CDH13: variants seen among roughly 807,000 people sequenced by gnomAD.
CDH13 encodes cadherin 13.
Under a neutral mutation model 63.8 loss-of-function variants are expected in CDH13, and 24 were observed. The observed-to-expected ratio is 0.38, with a 90% CI of 0.27 to 0.53. CDH13 has a LOEUF of 0.53. Ranked by LOEUF, CDH13 falls within the 20% of genes least tolerant of loss-of-function variation. CDH13 has a pLI of 0.85. For synonymous variants in CDH13, 503 were observed against 355.3 expected (o/e 1.42, Z -4.67); for missense variants, 1,049 against 903.1 (o/e 1.16, Z -2.07).
chr16:83,391,798 A>G (rs756846742), intron 6 of CDH13, among the ~76,000 whole-genome samples: 2 of 152,208 alleles, frequency 1.3e-5, no homozygotes, highest in East Asian at 1.9e-4. Context: ...CAAACAAAAA[A>G]CAAGATCACC....
intron 6 of CDH13, among the ~76,000 whole-genome samples, chr16:83,438,630 A>G (rs11861460): frequency 0.013 from 2,026 of 152,352 alleles, 45 homozygotes; most frequent in African/African-American, 0.046. Flanking sequence ...AATACAAAAT[A>G]CCAAGAGCTA....
At chr16:83,245,757 T>C (rs2151819467) in intron 5 of CDH13, among the ~76,000 whole-genome samples, 1 of 152,304 alleles carries the variant, frequency 6.6e-6, no homozygotes. Context: ...TTTATTTTTT[T>C]CCTGAGGCAG....
chr16:83,323,998 C>A (rs1019570), intron 5 of CDH13, among the ~76,000 whole-genome samples: 85,818 of 151,038 alleles, frequency 0.57, 24,463 homozygotes, highest in Middle Eastern at 0.64. Context: ...TTAGTATATT[C>A]CCAGTCATGC....
chr16:83,018,380 G>A (rs564671393), intron 2 of CDH13, among the ~76,000 whole-genome samples: 1 of 152,206 alleles, frequency 6.6e-6, no homozygotes, highest in East Asian at 1.9e-4. Flanking sequence ...TACATTGTAA[G>A]TGAAAAAATG....
At chr16:82,882,624 C>T (rs1034987332) in intron 2 of CDH13, among the ~76,000 whole-genome samples, 5 of 152,008 alleles carry the variant, frequency 3.3e-5, no homozygotes, top group African/African-American at 1.2e-4. Flanking sequence ...TTCCTTCCTT[C>T]CCTCCCTTCC....
chr16:83,698,886 C>A (rs1001864531), intron 10 of CDH13, among the ~76,000 whole-genome samples: 1 of 152,262 alleles, frequency 6.6e-6, no homozygotes, highest in Non-Finnish European at 1.5e-5. Context: ...TGTGAATAGG[C>A]ATGGCTGTGT....
At chr16:82,832,463 C>G (rs2038585818) in intron 1 of CDH13, among the ~76,000 whole-genome samples, 1 of 152,022 alleles carries the variant, frequency 6.6e-6, no homozygotes, top group Non-Finnish European at 1.5e-5. Context: ...CCTTCTCATC[C>G]TCCTTATTGT....
intron 3 of CDH13, among the ~76,000 whole-genome samples, chr16:83,079,310 C>G (rs1194185654): frequency 6.6e-6 from 1 of 152,148 alleles, no homozygotes. Flanking sequence ...ACCTTGCCTT[C>G]TATGGATGGT....
intron 5 of CDH13, among the ~76,000 whole-genome samples, chr16:83,333,238 C>A (rs2090515560): frequency 6.6e-6 from 1 of 151,962 alleles, no homozygotes; most frequent in East Asian, 1.9e-4. Flanking sequence ...GCTTGAAATG[C>A]AAGTTGTTGG....
At chr16:82,887,701 G>C (rs565339537) in intron 2 of CDH13, among the ~76,000 whole-genome samples, 3 of 152,092 alleles carry the variant, frequency 2.0e-5, no homozygotes, top group African/African-American at 4.8e-5. Flanking sequence ...CACACCTGTA[G>C]TCCCAGCTAC....
chr16:82,649,104 C>T (rs1338812894), intron 1 of CDH13, among the ~76,000 whole-genome samples: 2 of 152,192 alleles, frequency 1.3e-5, no homozygotes, highest in Non-Finnish European at 2.9e-5. Flanking sequence ...TGAGCGCGCA[C>T]CGGCTTTCTT....
At chr16:82,803,775 A>C (rs1051932427) in intron 1 of CDH13, among the ~76,000 whole-genome samples, 2 of 136,452 alleles carry the variant, frequency 1.5e-5, no homozygotes, top group Non-Finnish European at 3.0e-5. Flanking sequence ...TAAAATAGTC[A>C]GACTAATAGA....
intron 3 of CDH13, among the ~76,000 whole-genome samples, chr16:83,061,985 A>C (rs1191746884): frequency 2.0e-5 from 3 of 152,208 alleles, no homozygotes; most frequent in Non-Finnish European, 4.4e-5. Flanking sequence ...TGAGCTGGGC[A>C]GGGTGACAAT....
chr16:83,674,003 T>C (rs1032410606), intron 9 of CDH13, among the ~76,000 whole-genome samples: 7 of 152,118 alleles, frequency 4.6e-5, no homozygotes, highest in African/African-American at 1.7e-4. Context: ...CCCAGGTCAG[T>C]AGGAAGGGCC....
intron 2 of CDH13, among the ~76,000 whole-genome samples, chr16:82,946,767 C>G (rs1904768184): frequency 6.6e-6 from 1 of 151,870 alleles, no homozygotes; most frequent in Non-Finnish European, 1.5e-5. Context: ...AAAACAAAAT[C>G]TCAAGGCAAC....
chr16:83,489,837 A>G (rs183623053), intron 7 of CDH13, among the ~76,000 whole-genome samples: 92 of 152,346 alleles, frequency 6.0e-4, no homozygotes, highest in African/African-American at 2.2e-3. Flanking sequence ...CATTCATTTA[A>G]GAAAGTATCC....
intron 7 of CDH13, among the ~76,000 whole-genome samples, chr16:83,545,402 C>T (rs192564423): frequency 3.2e-4 from 48 of 152,336 alleles, no homozygotes; most frequent in African/African-American, 9.1e-4. Context: ...TAACCAGCTT[C>T]ATTCTATTGG....
At chr16:83,145,023 G>A (rs772396456) in intron 4 of CDH13, among the ~76,000 whole-genome samples, 46 of 151,986 alleles carry the variant, frequency 3.0e-4, no homozygotes, top group Admixed American at 6.6e-4. Flanking sequence ...TGGAGACGCC[G>A]TGGCTATGTT....
At chr16:83,121,597 C>T (rs533199103) in intron 3 of CDH13, among the ~76,000 whole-genome samples, 1 of 152,170 alleles carries the variant, frequency 6.6e-6, no homozygotes, top group African/African-American at 2.4e-5. Flanking sequence ...TTGGTCATAG[C>T]CTAGGAGTAT....
Sources: gnomAD v4.1 joint callset for allele counts (sites outside exome capture counted in the v4.1 genomes callset) on GRCh38, gnomAD v4.1.1 for gene constraint, MANE v1.5 for transcripts, NCBI Gene and HGNC (gene_info 2026-07-23, HGNC 2026-07-21) for gene names.